Variants in RAB38 observed in about 807,000 individuals in gnomAD.
RAB38 encodes RAB38, member RAS oncogene family.
Under a neutral mutation model 18.4 loss-of-function variants are expected in RAB38, and 15 were observed. The observed-to-expected ratio is 0.82, with a 90% CI of 0.55 to 1.26. The LOEUF (loss-of-function observed/expected upper bound fraction) is 1.26. Among genes scored for constraint, RAB38 ranks in the 50% most tolerant of loss-of-function variants. The probability of loss-of-function intolerance (pLI) is 0.00; values close to 1 mark genes in which losing one functional copy is unlikely to be tolerated. For synonymous variants in RAB38, 101 were observed against 104.4 expected, an observed-to-expected ratio of 0.97 and a Z score of 0.20; for missense variants, 294 against 267.4, an observed-to-expected ratio of 1.10 and a Z score of -0.69.
the RAB38 span, among the ~76,000 whole-genome samples, chr11:87,870,726 T>A: frequency 6.6e-6 from 1 of 151,552 alleles, no homozygotes; most frequent in African/African-American, 2.4e-5. Flanking sequence ...CCCAAGCGAA[T>A]TTTTAATAGA....
chr11:88,047,349 C>A, the RAB38 span, among the ~76,000 whole-genome samples: 1 of 152,188 alleles, frequency 6.6e-6, no homozygotes, highest in Non-Finnish European at 1.5e-5. Context: ...TCATGTTCCT[C>A]ACCCTGAACA....
At chr11:88,060,848 T>C in the RAB38 span, among the ~76,000 whole-genome samples, 2 of 152,200 alleles carry the variant, frequency 1.3e-5, no homozygotes. Context: ...TTATCTAAGC[T>C]ATCTGTTCCA....
At chr11:87,858,338 G>A in the RAB38 span, among the ~76,000 whole-genome samples, 1 of 151,998 alleles carries the variant, frequency 6.6e-6, no homozygotes. Context: ...TTTCTTTGGG[G>A]CTCTCTTTAA....
the RAB38 span, among the ~76,000 whole-genome samples, chr11:87,888,667 G>A: frequency 6.6e-6 from 1 of 151,898 alleles, no homozygotes; most frequent in African/African-American, 2.4e-5. Flanking sequence ...CTCCCTGCCT[G>A]CTCCTTCCAC....
chr11:88,137,623 C>G (rs1178894875), intron 2 of RAB38, among the ~76,000 whole-genome samples: 1 of 151,984 alleles, frequency 6.6e-6, no homozygotes, highest in Non-Finnish European at 1.5e-5. Context: ...AAAGAAAGAA[C>G]ACAGAAAACA....
At chr11:87,955,148 G>C in the RAB38 span, among the ~76,000 whole-genome samples, 2 of 152,146 alleles carry the variant, frequency 1.3e-5, no homozygotes, top group Non-Finnish European at 2.9e-5. Context: ...AGAAGTCCAT[G>C]AAAGCCACAT....
intron 2 of RAB38, among the ~76,000 whole-genome samples, chr11:88,120,732 C>T (rs557149422): frequency 6.6e-6 from 1 of 152,226 alleles, no homozygotes; most frequent in African/African-American, 2.4e-5. Context: ...CTTTAGATGT[C>T]AAAGTGTATT....
chr11:88,140,071 C>T (rs1942888069), intron 2 of RAB38, among the ~76,000 whole-genome samples: 1 of 152,190 alleles, frequency 6.6e-6, no homozygotes, highest in South Asian at 2.1e-4. Flanking sequence ...ATTCGGTGCA[C>T]AAGCTAATGT....
the RAB38 span, among the ~76,000 whole-genome samples, chr11:87,848,600 G>A: frequency 4.6e-5 from 7 of 152,106 alleles, no homozygotes; most frequent in East Asian, 1.4e-3. Context: ...CCAGTAAAAA[G>A]ACCCAGTAAA....
At chr11:88,147,455 G>A (rs865877617) in intron 2 of RAB38, among the ~76,000 whole-genome samples, 9 of 151,840 alleles carry the variant, frequency 5.9e-5, no homozygotes, top group Middle Eastern at 3.2e-3. Context: ...TCTGAGCTGA[G>A]AGTGACATTT....
the RAB38 span, among the ~76,000 whole-genome samples, chr11:88,099,430 C>T: frequency 2.0e-5 from 3 of 151,522 alleles, no homozygotes; most frequent in Non-Finnish European, 4.4e-5. Context: ...ATGTGACACT[C>T]CGAAAATCAA....
the RAB38 span, among the ~76,000 whole-genome samples, chr11:88,045,955 C>T: frequency 6.6e-6 from 1 of 152,160 alleles, no homozygotes; most frequent in Non-Finnish European, 1.5e-5. Flanking sequence ...GGCCGAGACA[C>T]TTTAACTAAA....
At chr11:87,925,439 A>G in the RAB38 span, among the ~76,000 whole-genome samples, 1 of 152,076 alleles carries the variant, frequency 6.6e-6, no homozygotes, top group Admixed American at 6.6e-5. Flanking sequence ...CGATCATTTT[A>G]CACTATAATT....
chr11:88,121,107 T>G (rs1027876257), intron 2 of RAB38, among the ~76,000 whole-genome samples: 1 of 152,220 alleles, frequency 6.6e-6, no homozygotes, highest in Non-Finnish European at 1.5e-5. Context: ...CTCTACTGAG[T>G]AGCCTTCTCT....
At chr11:88,028,318 G>A in the RAB38 span, among the ~76,000 whole-genome samples, 1 of 152,198 alleles carries the variant, frequency 6.6e-6, no homozygotes, top group Non-Finnish European at 1.5e-5. Flanking sequence ...AAAAAGCAGA[G>A]CGCCTCTCCT....
chr11:87,935,936 G>A, the RAB38 span, among the ~76,000 whole-genome samples: 1 of 151,836 alleles, frequency 6.6e-6, no homozygotes, highest in Non-Finnish European at 1.5e-5. Context: ...GTGCTTATTT[G>A]CTATCTGTAT....
the RAB38 span, among the ~76,000 whole-genome samples, chr11:87,824,468 A>G: frequency 1.3e-5 from 2 of 152,178 alleles, no homozygotes; most frequent in Non-Finnish European, 2.9e-5. Context: ...TGAACATAAA[A>G]TGTACTTGGA....
the RAB38 span, among the ~76,000 whole-genome samples, chr11:87,971,338 G>A: frequency 1.3e-5 from 2 of 152,080 alleles, no homozygotes; most frequent in African/African-American, 4.8e-5. Context: ...TGCTTCAAGG[G>A]TGTTTCCAGA....
At chr11:88,021,815 C>T in the RAB38 span, among the ~76,000 whole-genome samples, 1 of 142,302 alleles carries the variant, frequency 7.0e-6, no homozygotes, top group African/African-American at 2.6e-5. Flanking sequence ...GATCATGCCA[C>T]TGCACTCCAG....
Sources: allele counts gnomAD v4.1 joint callset (sites outside exome capture counted in the v4.1 genomes callset), GRCh38; gene constraint gnomAD v4.1.1; transcripts MANE v1.5; gene names NCBI Gene and HGNC (gene_info 2026-07-23, HGNC 2026-07-21).